Variants in AKAP19 observed in about 807,000 individuals in gnomAD.
AKAP19 encodes the protein small A-kinase anchoring protein.
the AKAP19 span, among the ~76,000 whole-genome samples, chr2:190,015,110 T>A: frequency 6.6e-6 from 1 of 152,116 alleles, no homozygotes. Flanking sequence ...ATGGTGGCCC[T>A]CTTCTTACAG....
the AKAP19 span, among the ~76,000 whole-genome samples, chr2:190,048,693 A>T: frequency 0.093 from 14,216 of 152,260 alleles, 1,410 homozygotes; most frequent in African/African-American, 0.24. Context: ...TTCTCAACCC[A>T]GGCTCAAATA....
the AKAP19 span, among the ~76,000 whole-genome samples, chr2:190,113,636 G>A: frequency 2.6e-5 from 4 of 152,128 alleles, no homozygotes; most frequent in African/African-American, 4.8e-5. Context: ...ATGGATAACC[G>A]TTAATCAATG....
At chr2:189,970,253 G>T in the AKAP19 span, among the ~76,000 whole-genome samples, 2 of 152,018 alleles carry the variant, frequency 1.3e-5, no homozygotes, top group Non-Finnish European at 2.9e-5. Flanking sequence ...ATAACACAAT[G>T]AATACCTATA....
chr2:190,145,366 A>G, the AKAP19 span, among the ~76,000 whole-genome samples: 131 of 152,290 alleles, frequency 8.6e-4, 1 homozygote, highest in Middle Eastern at 0.02. Flanking sequence ...TTATTCAACC[A>G]GTTCCCTACT....
At chr2:190,198,088 A>AAATT in the AKAP19 span, among the ~76,000 whole-genome samples, 2 of 152,194 alleles carry the variant, frequency 1.3e-5, no homozygotes, top group Non-Finnish European at 2.9e-5. Context: ...TTCCCTTTTA[A>AAATT]AATTAACATC....
At chr2:189,920,431 A>G in the AKAP19 span, among the ~76,000 whole-genome samples, 1 of 152,204 alleles carries the variant, frequency 6.6e-6, no homozygotes, top group African/African-American at 2.4e-5. Context: ...TAAGGCACAA[A>G]TAGAAGTTGT....
chr2:190,118,617 C>T, the AKAP19 span, among the ~76,000 whole-genome samples: 1 of 152,070 alleles, frequency 6.6e-6, no homozygotes, highest in African/African-American at 2.4e-5. Context: ...AGACAAAAAC[C>T]ACATGATTAT....
the AKAP19 span, among the ~76,000 whole-genome samples, chr2:189,927,492 T>C: frequency 1.3e-5 from 2 of 152,234 alleles, no homozygotes; most frequent in Admixed American, 1.3e-4. Flanking sequence ...TAACTTTTAA[T>C]GTGCGATAAT....
chr2:190,184,159 A>G, the AKAP19 span, among the ~76,000 whole-genome samples: 1 of 152,182 alleles, frequency 6.6e-6, no homozygotes, highest in Non-Finnish European at 1.5e-5. Flanking sequence ...TTGTAAGTTA[A>G]AAGTTGTGAA....
chr2:190,173,986 C>A, the AKAP19 span, among the ~76,000 whole-genome samples: 1 of 152,108 alleles, frequency 6.6e-6, no homozygotes. Context: ...CCTGCTCTGT[C>A]CTTAGTCATC....
At chr2:190,162,816 T>A in the AKAP19 span, among the ~76,000 whole-genome samples, 3 of 152,198 alleles carry the variant, frequency 2.0e-5, no homozygotes, top group Admixed American at 6.5e-5. Context: ...TTAGGAGATA[T>A]TTTAATGAGA....
At chr2:190,170,477 A>G in the AKAP19 span, among the ~76,000 whole-genome samples, 1,692 of 152,288 alleles carry the variant, frequency 0.011, 26 homozygotes, top group African/African-American at 0.038. Flanking sequence ...ATATATGCAT[A>G]TATTATTACC....
the AKAP19 span, among the ~76,000 whole-genome samples, chr2:190,028,666 T>C: frequency 2.0e-5 from 3 of 152,178 alleles, no homozygotes; most frequent in African/African-American, 7.2e-5. Flanking sequence ...TAAGAAACAT[T>C]CCAGCATAAA....
the AKAP19 span, among the ~76,000 whole-genome samples, chr2:190,189,252 G>T: frequency 3.3e-5 from 5 of 152,212 alleles, no homozygotes; most frequent in African/African-American, 1.2e-4. Context: ...GGTTCTATAA[G>T]TTCAAGAAAG....
At chr2:189,894,829 T>C in the AKAP19 span, among the ~76,000 whole-genome samples, 6 of 151,758 alleles carry the variant, frequency 4.0e-5, no homozygotes, top group Middle Eastern at 6.9e-3. Context: ...TAATATCTTA[T>C]TTCAAATATC....
chr2:190,001,906 C>T, the AKAP19 span, among the ~76,000 whole-genome samples: 8 of 152,324 alleles, frequency 5.3e-5, no homozygotes, highest in East Asian at 5.8e-4. Flanking sequence ...ACCTTAGACA[C>T]GTAGAGTCAA....
At chr2:189,987,207 C>T in the AKAP19 span, among the ~76,000 whole-genome samples, 1 of 152,154 alleles carries the variant, frequency 6.6e-6, no homozygotes, top group African/African-American at 2.4e-5. Context: ...GTGAGTAAGT[C>T]TCACAAGATC....
At chr2:189,885,766 G>A in the AKAP19 span, among the ~76,000 whole-genome samples, 1 of 151,958 alleles carries the variant, frequency 6.6e-6, no homozygotes, top group Non-Finnish European at 1.5e-5. Context: ...TAAATATGTA[G>A]CATTTCATTT....
At chr2:189,886,039 C>A in the AKAP19 span, among the ~76,000 whole-genome samples, 1 of 152,058 alleles carries the variant, frequency 6.6e-6, no homozygotes, top group Admixed American at 6.6e-5. Flanking sequence ...GAACTCCTGA[C>A]CTCAGGTGAT....
Sources: gnomAD v4.1 joint callset for allele counts (sites outside exome capture counted in the v4.1 genomes callset) on GRCh38, gnomAD v4.1.1 for gene constraint, MANE v1.5 for transcripts, NCBI Gene and HGNC (gene_info 2026-07-23, HGNC 2026-07-21) for gene names.